The following CFAP299 variants were observed in gnomAD, a reference collection of about 807,000 sequenced individuals.
The protein encoded by CFAP299 is cilia and flagella associated protein 299.
Under a neutral mutation model 27.0 loss-of-function variants are expected in CFAP299, and 21 were observed. That is an observed-to-expected ratio of 0.78 (90% confidence interval 0.55 to 1.12). CFAP299 has a LOEUF of 1.12. Among genes scored for constraint, CFAP299 ranks in the 50% most tolerant of loss-of-function variants. The probability of loss-of-function intolerance (pLI) is 0.00; values close to 1 mark genes in which losing one functional copy is unlikely to be tolerated. For synonymous variants in CFAP299, 104 were observed against 98.1 expected, an observed-to-expected ratio of 1.06 and a Z score of -0.36; for missense variants, 310 against 276.6, an observed-to-expected ratio of 1.12 and a Z score of -0.86.
intron 3 of CFAP299, among the ~76,000 whole-genome samples, chr4:80,721,982 G>T (rs560298076): frequency 6.6e-6 from 1 of 152,030 alleles, no homozygotes; most frequent in South Asian, 2.1e-4. Flanking sequence ...AAATTATGCC[G>T]GATAGAATCC....
chr4:80,766,334 C>A (rs1280007740), intron 3 of CFAP299, among the ~76,000 whole-genome samples: 1 of 152,094 alleles, frequency 6.6e-6, no homozygotes, highest in Non-Finnish European at 1.5e-5. Context: ...AACTGTTGTT[C>A]AGGACTAAGA....
chr4:80,653,027 A>T lies in CFAP299; in HGVS notation c.333+69844A>T, dbSNP rs146475714. 5.0e-3 allele frequency among the ~76,000 whole-genome samples: 768 copies of T among 152,182 alleles called. 5 individuals are homozygous for T. Among genetic ancestry groups the T allele is most frequent in the Middle Eastern group, 0.02 (6 of 294 alleles). On this transcript the variant is annotated intron_variant, in intron 3 of 5. Coordinates refer to ENST00000358105, the MANE Select transcript of CFAP299 (RefSeq NM_152770.3). ...CCCCTCCTCTTGTATTTCTCATGTG[A>T]ATTTAGAGACAATGTACCCTGCTTT...
At chr4:80,509,054 A>G (rs968430744) in intron 2 of CFAP299, among the ~76,000 whole-genome samples, 1 of 152,054 alleles carries the variant, frequency 6.6e-6, no homozygotes, top group African/African-American at 2.4e-5. Context: ...TAACTTCCTG[A>G]CCCCAGATGT....
intron 2 of CFAP299, among the ~76,000 whole-genome samples, chr4:80,373,132 C>T (rs945091794): frequency 2.0e-5 from 3 of 151,944 alleles, no homozygotes; most frequent in Non-Finnish European, 4.4e-5. Flanking sequence ...ACACAGTGGA[C>T]CTAACCCTTG....
In CFAP299 at chr4:80,338,233, T is replaced by A. The variant is rs368397227; in HGVS notation, c.111+2354T>A. Among the ~76,000 whole-genome samples the A allele has an allele frequency of 5.9e-5, 9 of 152,346 alleles. 1 individual carries two copies. Among genetic ancestry groups the A allele is most frequent in the African/African-American group, 2.2e-4 (9 of 41,590 alleles). ...ACATGATGTTTTAAATTATATATATTGTGGAATGGCTAAATCAAGTTAACA... is the reference window on the plus strand; with the variant it reads ...ACATGATGTTTTAAATTATATATATAGTGGAATGGCTAAATCAAGTTAACA... On this transcript the variant is annotated intron_variant, in intron 1 of 5. Transcript: ENST00000358105.
At chr4:80,448,006 T>G (rs1164911466) in intron 2 of CFAP299, among the ~76,000 whole-genome samples, 2 of 152,208 alleles carry the variant, frequency 1.3e-5, no homozygotes, top group Non-Finnish European at 2.9e-5. Context: ...CCTCACTCAT[T>G]GGCACTCCCA....
intron 3 of CFAP299, among the ~76,000 whole-genome samples, chr4:80,660,644 A>G (rs983326592): frequency 4.6e-5 from 7 of 152,222 alleles, no homozygotes; most frequent in South Asian, 4.1e-4. Flanking sequence ...GGTCTAGGAT[A>G]ACATCTGGAT....
chr4:80,931,853 C>A (rs1736639070), intron 4 of CFAP299, among the ~76,000 whole-genome samples: 1 of 152,270 alleles, frequency 6.6e-6, no homozygotes, highest in African/African-American at 2.4e-5. Flanking sequence ...AGGAATCACC[C>A]TGTACCTTCC....
At chr4:80,353,338 C>T (rs1723103486) in intron 1 of CFAP299, among the ~76,000 whole-genome samples, 2 of 152,206 alleles carry the variant, frequency 1.3e-5, no homozygotes, top group Admixed American at 1.3e-4. Context: ...AATTATCTCA[C>T]TGCCCAATCC....
chr4:80,736,658 A>G (rs1002172286), intron 3 of CFAP299, among the ~76,000 whole-genome samples: 1 of 152,176 alleles, frequency 6.6e-6, no homozygotes, highest in African/African-American at 2.4e-5. Flanking sequence ...AAAAGTCAGG[A>G]AACAGCAGGT....
intron 3 of CFAP299, among the ~76,000 whole-genome samples, chr4:80,858,638 C>G (rs1297080302): frequency 6.6e-6 from 1 of 152,066 alleles, no homozygotes; most frequent in East Asian, 1.9e-4. Context: ...CAAAGAACAT[C>G]TTTATTTCTG....
At chr4:80,372,496 G>A (rs1724196429) in intron 2 of CFAP299, among the ~76,000 whole-genome samples, 1 of 152,240 alleles carries the variant, frequency 6.6e-6, no homozygotes, top group Non-Finnish European at 1.5e-5. Flanking sequence ...AAACTCTGGA[G>A]TTGTGAGAAA....
intron 2 of CFAP299, among the ~76,000 whole-genome samples, chr4:80,373,729 T>A (rs935412493): frequency 1.3e-5 from 2 of 152,170 alleles, no homozygotes; most frequent in African/African-American, 4.8e-5. Context: ...TATGGTTAAG[T>A]TCCATCACTT....
chr4:80,567,157 C>T (rs1735342307), intron 2 of CFAP299, among the ~76,000 whole-genome samples: 1 of 151,988 alleles, frequency 6.6e-6, no homozygotes, highest in Non-Finnish European at 1.5e-5. Context: ...TGCATGTTAA[C>T]ATTTCTTGAC....
chr4:80,831,369 A>G (rs1730290718), intron 3 of CFAP299, among the ~76,000 whole-genome samples: 1 of 152,070 alleles, frequency 6.6e-6, no homozygotes, highest in South Asian at 2.1e-4. Context: ...AATCAGAATC[A>G]CCTGTAGCAT....
At position 80,484,635 on chromosome 4, in the gene CFAP299, G is replaced by C. The variant is rs1321769058; in HGVS notation, c.243-98458G>C. On this transcript the variant is annotated intron_variant, in intron 2 of 5. Transcript: ENST00000358105. ...ACATCTAAATCATATTCAGTAAACT[G>C]TTCAGATGTATTGTTGTATTGAAAA... Among the ~76,000 whole-genome samples the C allele has an allele frequency of 2.6e-5, 4 of 152,038 alleles. 1 individual carries two copies. The highest frequency in any genetic ancestry group is 9.7e-5 in the African/African-American group (4 of 41,418).
intron 3 of CFAP299, among the ~76,000 whole-genome samples, chr4:80,756,108 C>T (rs1725223233): frequency 1.3e-5 from 2 of 151,878 alleles, no homozygotes; most frequent in African/African-American, 2.4e-5. Flanking sequence ...ATAGTGGTGC[C>T]CATCTTGAGT....
chr4:80,574,568 C>A (rs1400703251), intron 2 of CFAP299, among the ~76,000 whole-genome samples: 1 of 152,048 alleles, frequency 6.6e-6, no homozygotes, highest in African/African-American at 2.4e-5. Context: ...CAATTTTTCC[C>A]CATTAAGTAT....
the CFAP299 span, among the ~76,000 whole-genome samples, chr4:80,326,600 C>G: frequency 6.6e-6 from 1 of 152,158 alleles, no homozygotes; most frequent in Non-Finnish European, 1.5e-5. Flanking sequence ...ATAGAAAACA[C>G]TCTCAGACTA....
Sources: gnomAD v4.1 joint callset for allele counts (sites outside exome capture counted in the v4.1 genomes callset) on GRCh38, gnomAD v4.1.1 for gene constraint, MANE v1.5 for transcripts, NCBI Gene and HGNC (gene_info 2026-07-23, HGNC 2026-07-21) for gene names.